Variants in NDUFS1 observed in about 807,000 individuals in gnomAD.
NDUFS1 encodes NADH:ubiquinone oxidoreductase core subunit S1.
In NDUFS1, 61 loss-of-function variants were observed where a neutral mutation model predicts 84.4. That is an observed-to-expected ratio of 0.72 (90% confidence interval 0.59 to 0.89). The LOEUF is 0.89. Among genes scored for constraint, NDUFS1 ranks in the 40% least tolerant of loss-of-function variants. The pLI is 0.00. For missense variants in NDUFS1, 891 were observed against 890.0 expected (o/e 1.00, Z -0.01); for synonymous variants, 275 against 290.0 (o/e 0.95, Z 0.53).
intron 3 of NDUFS1, 108 bp from the exon 4 acceptor site, chr2:206,150,033 CTAT>C: frequency 1.4e-6 from 1 of 702,608 alleles, no homozygotes; most frequent in African/African-American, 1.8e-5. Flanking sequence ...TTCTATCTAT[CTAT>C]CTATCTATCT....
At chr2:206,141,280 C>A (rs1691936187) in intron 12 of NDUFS1, among the ~76,000 whole-genome samples, 1 of 152,036 alleles carries the variant, frequency 6.6e-6, no homozygotes, top group Admixed American at 6.6e-5. Flanking sequence ...CGCGGTGGCT[C>A]ACACCTGTAA....
At chr2:206,130,330 C>T in intron 14 of NDUFS1, 88 bp from the exon 15 acceptor site, 1 of 1,488,924 alleles carries the variant, frequency 6.7e-7, no homozygotes, top group Middle Eastern at 1.8e-4. Context: ...TTCCTTTCAA[C>T]AATGTCAAAA....
In NDUFS1 at chr2:206,124,064, A is replaced by G; in HGVS notation, c.*121T>C. On this transcript the variant is annotated 3_prime_UTR_variant, in exon 19 of 19. Transcript: ENST00000233190. ...TTTCAAATAGGCATAGTATAACCTTAAATATTACATGATTCAAATTATTAT... is the reference window on the plus strand; with the variant it reads ...TTTCAAATAGGCATAGTATAACCTTGAATATTACATGATTCAAATTATTAT... 1 of 736,824 alleles carries G rather than the reference A, an allele frequency of 1.4e-6. No homozygotes were observed. Among genetic ancestry groups the G allele is most frequent in the Non-Finnish European group, 2.3e-6 (1 of 429,244 alleles). 45.6% of individuals were successfully genotyped at this position (736,824 alleles called of 1,614,324 possible).
Position 206,123,981 on chromosome 2 carries a change from T to C in NDUFS1, c.*204A>G. On this transcript the variant is annotated 3_prime_UTR_variant, in exon 19 of 19. Coordinates refer to ENST00000233190, the MANE Select transcript of NDUFS1 (RefSeq NM_005006.7). ...TAAGAGCATCTGCATAGTTTTGTTA[T>C]TTAACCTTTACACACAATACATGTT... 1.9e-6 allele frequency: 1 copy of C among 540,092 alleles called. No individual in the cohort carries two copies. The allele number at this position is 540,092 out of a possible 1,614,324, so 33.5% of individuals were successfully genotyped here.
At chr2:206,127,450 G>A in intron 16 of NDUFS1, 1 of 222,828 alleles carries the variant, frequency 4.5e-6, no homozygotes, top group South Asian at 6.4e-5. Context: ...CCCGGGAGGT[G>A]GAGGTTGCAG....
chr2:206,152,480 A>G lies in NDUFS1; in HGVS notation c.92T>C (p.Leu31Ser). The change falls in exon 3 of 19, where the codon TTG becomes TCG. Residue 31 changes from leucine (L) to serine (S), a missense_variant. Coordinates refer to ENST00000233190, the MANE Select transcript of NDUFS1 (RefSeq NM_005006.7). ...CTGACCATCAACAAATACTTCAATC[A>G]AGTTGCTTGCTGCTGTGGCAGTTGT... ...VRTTATAASN[L>S]IEVFVDGQSV... is the part of the protein sequence containing the mutation. 1 of 1,614,160 alleles carries G rather than the reference A, an allele frequency of 6.2e-7. No homozygotes were observed. The highest frequency in any genetic ancestry group is 8.5e-7 in the Non-Finnish European group (1 of 1,180,010).
chr2:206,123,866 C>A lies in NDUFS1; in HGVS notation c.*319G>T. 4.3e-6 allele frequency: 1 copy of A among 233,548 alleles called. No individual in the cohort carries two copies. Among genetic ancestry groups the A allele is most frequent in the Non-Finnish European group, 8.2e-6 (1 of 121,596 alleles). The allele number at this position is 233,548 out of a possible 1,614,324, so 14.5% of individuals were successfully genotyped here. A position where few individuals can be genotyped will look rare whatever the true frequency, so the allele number is the denominator to read the frequency against. On this transcript the variant is annotated 3_prime_UTR_variant, in exon 19 of 19. Transcript: ENST00000233190. ...TAATTGAACCTCTTTTCATTTCATC[C>A]ATTTTACAGACAAATTATTTATGAA... is the stretch of plus-strand genomic sequence containing the variant.
At chr2:206,155,717 C>T (rs1261134625) in intron 1 of NDUFS1, among the ~76,000 whole-genome samples, 4 of 151,698 alleles carry the variant, frequency 2.6e-5, no homozygotes, top group African/African-American at 7.3e-5. Context: ...TACGCCTGGC[C>T]AATTTTTTTA....
chr2:206,145,088 T>G, intron 8 of NDUFS1, 62 bp from the exon 9 acceptor site: 1 of 1,511,812 alleles, frequency 6.6e-7, no homozygotes, highest in Non-Finnish European at 8.9e-7. Flanking sequence ...TTCTGTTACC[T>G]GGTTTACCAA....
rs746493957 is a variant in NDUFS1, at chr2:206,123,454, G to C, written c.*731C>G. 10 of 151,940 alleles carry C rather than the reference G, an allele frequency of 6.6e-5. No homozygotes were observed. Among genetic ancestry groups the C allele is most frequent in the Non-Finnish European group, 1.3e-4 (9 of 67,988 alleles). The allele number at this position is 151,940 out of a possible 1,614,324, so 9.4% of individuals were successfully genotyped here. On this transcript the variant is annotated 3_prime_UTR_variant, in exon 19 of 19. Transcript: ENST00000233190. The stretch of plus-strand genomic sequence containing the variant: ...TAATTTTTAGAAGTAACAACCTATA[G>C]AATCAACATTAATGAGACGAAATAA...
intron 11 of NDUFS1, 119 bp downstream of exon 11, chr2:206,142,567 G>A (rs1692003256): frequency 8.0e-7 from 1 of 1,246,252 alleles, no homozygotes; most frequent in Non-Finnish European, 1.1e-6. Context: ...GTTTGATCTT[G>A]GTCTATATAT....
At chr2:206,148,345 G>C (rs1004894900) in intron 5 of NDUFS1, among the ~76,000 whole-genome samples, 1 of 151,998 alleles carries the variant, frequency 6.6e-6, no homozygotes, top group African/African-American at 2.4e-5. Context: ...TTTTTTAAGA[G>C]ACGGGGTCTT....
chr2:206,152,757 T>C (rs1051951082), intron 2 of NDUFS1, among the ~76,000 whole-genome samples: 30 of 147,112 alleles, frequency 2.0e-4, no homozygotes, highest in Admixed American at 1.9e-3. Context: ...CAGGCTGGAG[T>C]GCAGTGGCGC....
rs1419142318 is a variant in NDUFS1, at chr2:206,140,939, T to C, written c.1262+1002A>G. The stretch of plus-strand genomic sequence containing the variant: ...TGTAGTGTGTATATATATATATATA[T>C]ATATACACACACACTGAGAATCATA... On this transcript the variant is annotated intron_variant, in intron 12 of 18. Coordinates refer to ENST00000233190, the MANE Select transcript of NDUFS1 (RefSeq NM_005006.7). Among the ~76,000 whole-genome samples, 117 of 58,540 alleles carry C rather than the reference T, an allele frequency of 2.0e-3. 1 individual carries two copies. Among genetic ancestry groups the C allele is most frequent in the African/African-American group, 0.012 (107 of 8,806 alleles). The allele number at this position is 58,540 out of a possible 152,430, so 38.4% of individuals were successfully genotyped here.
Position 206,123,747 on chromosome 2 carries a change from G to C in NDUFS1, c.*438C>G, listed in dbSNP as rs561980718. 1.3e-5 allele frequency: 2 copies of C among 158,932 alleles called. No individual in the cohort carries two copies. The highest frequency in any genetic ancestry group is 1.2e-4 in the Admixed American group (2 of 16,044). The allele number at this position is 158,932 out of a possible 1,614,324, so 9.8% of individuals were successfully genotyped here. ...ATTATTATTAATTATAATTATCCTA[G>C]ATACATATCTGAGCATGATTATGTA... is the stretch of plus-strand genomic sequence containing the variant. On this transcript the variant is annotated 3_prime_UTR_variant, in exon 19 of 19. Coordinates refer to ENST00000233190, the MANE Select transcript of NDUFS1 (RefSeq NM_005006.7).
chr2:206,138,577 T>C lies in NDUFS1; in HGVS notation c.1300A>G (p.Ser434Gly). Residue 434 changes from serine (S) to glycine (G), a missense_variant, in exon 13 of 19, where the codon AGT becomes GGT. Coordinates refer to ENST00000233190, the MANE Select transcript of NDUFS1 (RefSeq NM_005006.7). The stretch of plus-strand genomic sequence containing the variant: ...TATGTGTAAGTGAGGTCCACTGGAC[T>C]GCCTATAAGGGCCACTTTTAAGTCA... ...HNDLKVALIG[S>G]PVDLTYTYDH... The C allele has an allele frequency of 6.2e-7, 1 of 1,614,024 alleles. No individual in the cohort carries two copies. The highest frequency in any genetic ancestry group is 1.1e-5 in the South Asian group (1 of 91,088).
At position 206,127,805 on chromosome 2, in the gene NDUFS1, G is replaced by T. The variant is rs1691350325; in HGVS notation, c.1876C>A (p.Leu626Ile). 1 of 1,613,874 alleles carries T rather than the reference G, an allele frequency of 6.2e-7. No homozygotes were observed. Among genetic ancestry groups the T allele is most frequent in the South Asian group, 1.1e-5 (1 of 91,082 alleles). The change falls in exon 16 of 19, where the codon CTC becomes ATC. Residue 626 changes from leucine to isoleucine, a missense_variant. By Grantham distance (5) the Leu-to-Ile change is conservative (BLOSUM62 2). Coordinates refer to ENST00000233190, the MANE Select transcript of NDUFS1 (RefSeq NM_005006.7). ...AREDWKIIRA[L>I]SEIAGMTLPY... Reference sequence around the variant, plus strand: ...TGACTCAGAAATTATACCTCAGAGAGTGCTCTTATAATTTTCCAGTCTTCT... The same window carrying T: ...TGACTCAGAAATTATACCTCAGAGATTGCTCTTATAATTTTCCAGTCTTCT...
Position 206,154,922 on chromosome 2 carries a change from CT to C in NDUFS1, c.-4-1241del, listed in dbSNP as rs71034412. Among the ~76,000 whole-genome samples, 173 of 100,806 alleles carry C rather than the reference CT, an allele frequency of 1.7e-3. No individual in the cohort carries two copies. The Middle Eastern group carries it at 0.022, about 13-fold the overall frequency. 66.1% of individuals were successfully genotyped at this position (100,806 alleles called of 152,430 possible). ...AAGGCGTGAGCCACCGTGCCCGGCC[CT>C]TTTTTTTTTTTTTTTTTTTTGAGAT... On this transcript the variant is annotated intron_variant, in intron 1 of 18. Coordinates refer to ENST00000233190, the MANE Select transcript of NDUFS1 (RefSeq NM_005006.7).
Position 206,130,123 on chromosome 2 carries a change from T to C in NDUFS1, c.1673A>G (p.Gln558Arg). ...AATGAAACAATCCTTTGGCAAATCCTGTCGTGTGATACAACCTCCATCTGC... is the reference window on the plus strand; with the variant it reads ...AATGAAACAATCCTTTGGCAAATCCCGTCGTGTGATACAACCTCCATCTGC... ...LGADGGCITR[Q>R]DLPKDCFIIY... Residue 558 changes from glutamine (Q) to arginine (R), a missense_variant, in exon 15 of 19, where the codon CAG (glutamine) becomes CGG (arginine). Physicochemically the swap from Gln to Arg is conservative, Grantham distance 43. Coordinates refer to ENST00000233190, the MANE Select transcript of NDUFS1 (RefSeq NM_005006.7). The C allele has an allele frequency of 6.2e-7, 1 of 1,614,204 alleles. No individual in the cohort carries two copies. Among genetic ancestry groups the C allele is most frequent in the Non-Finnish European group, 8.5e-7 (1 of 1,180,032 alleles).
Sources: allele counts gnomAD v4.1 joint callset (sites outside exome capture counted in the v4.1 genomes callset), GRCh38; gene constraint gnomAD v4.1.1; transcripts MANE v1.5; gene names NCBI Gene and HGNC (gene_info 2026-07-23, HGNC 2026-07-21).